The following DNAI7 variants were observed in gnomAD, a reference collection of about 807,000 sequenced individuals.
The protein encoded by DNAI7 is dynein axonemal intermediate chain 7, also known as cancer susceptibility 1.
In DNAI7, 78 loss-of-function variants were observed where a neutral mutation model predicts 86.6. The observed-to-expected ratio is 0.90, with a 90% confidence interval of 0.75 to 1.09. DNAI7 has a LOEUF of 1.09. DNAI7 is among the 50% of genes least tolerant of loss of function. DNAI7 has a pLI of 0.00. For missense variants in DNAI7, 753 were observed against 810.2 expected (o/e 0.93, Z 0.86); for synonymous variants, 274 against 273.0 (o/e 1.00, Z -0.04).
chr12:25,133,674 T>G (rs142982684), intron 9 of DNAI7, among the ~76,000 whole-genome samples: 2 of 152,280 alleles, frequency 1.3e-5, no homozygotes, highest in Admixed American at 6.5e-5. Context: ...GTTGTGGGGT[T>G]TTCAGCAGAA....
At chr12:25,126,601 T>G (rs746110600) in intron 9 of DNAI7, among the ~76,000 whole-genome samples, 12 of 151,490 alleles carry the variant, frequency 7.9e-5, no homozygotes, top group Non-Finnish European at 1.3e-4. Context: ...GTAATTAAGG[T>G]AGAGAGTGAT....
chr12:25,180,957 C>A (rs1263505245), intron 2 of DNAI7, among the ~76,000 whole-genome samples: 1 of 152,130 alleles, frequency 6.6e-6, no homozygotes, highest in Non-Finnish European at 1.5e-5. Flanking sequence ...CAGGCGCCTG[C>A]CACCACGATC....
rs372660859 is a variant in DNAI7 at position 25,111,838 on chromosome 12, C to T, written c.1713G>A (p.Leu571=). Residue 571 remains leucine (L), a synonymous_variant, in exon 14 of 16, where the codon TTG becomes TTA. Coordinates refer to ENST00000395987, the MANE Select transcript of DNAI7 (RefSeq NM_018272.5). The part of the protein sequence containing the change: ...WMTPIPFIIA[L]KEAGLNIFPT... ...GAAAGATATTCAGTCCAGCTTCTTT[C>T]AAAGCAATAATGAAAGGAATAGGAG... The T allele has an allele frequency of 1.4e-5, 22 of 1,604,590 alleles. No homozygotes were observed. Among genetic ancestry groups the T allele is most frequent in the Non-Finnish European group, 1.8e-5 (21 of 1,175,010 alleles).
At chr12:25,164,667 G>A (rs577414268) in intron 2 of DNAI7, among the ~76,000 whole-genome samples, 5 of 152,158 alleles carry the variant, frequency 3.3e-5, no homozygotes, top group Admixed American at 2.6e-4. Flanking sequence ...TTACACATCA[G>A]TCCCTCCCTA....
Position 25,122,823 on chromosome 12 carries a change from A to T in DNAI7, c.1078+388T>A, listed in dbSNP as rs185694722. Among the ~76,000 whole-genome samples, 3 of 152,392 alleles carry T rather than the reference A, an allele frequency of 2.0e-5. No individual in the cohort carries two copies. The East Asian group carries it at 5.8e-4, about 29-fold the overall frequency. On this transcript the variant is annotated intron_variant, in intron 10 of 15. Coordinates refer to ENST00000395987, the MANE Select transcript of DNAI7 (RefSeq NM_018272.5). ...ACAACCTGCCTATCAATAGGGATTT[A>T]AAAAGTGTTCCATTATTGGATGGAA... is the stretch of plus-strand genomic sequence containing the variant.
At chr12:25,132,990 A>G (rs970101755) in intron 9 of DNAI7, among the ~76,000 whole-genome samples, 2 of 152,218 alleles carry the variant, frequency 1.3e-5, no homozygotes, top group Non-Finnish European at 2.9e-5. Context: ...AAATATTTGA[A>G]TCCAATCTCT....
intron 2 of DNAI7, among the ~76,000 whole-genome samples, chr12:25,170,038 A>G (rs755025221): frequency 2.0e-5 from 3 of 152,112 alleles, no homozygotes; most frequent in Non-Finnish European, 4.4e-5. Context: ...ATCAGACAAA[A>G]TAAACTTTAA....
rs372677577 is a variant in DNAI7 at position 25,161,208 on chromosome 12, G to T, written c.22-11C>A. On this transcript the variant is annotated splice_polypyrimidine_tract_variant and intron_variant, in intron 2 of 15. Transcript: ENST00000395987. ...TTTCTTACTGCCAGACTTAACAAAG[G>T]CCACATCATAAAAAAGGCTATTAAC... 22 of 1,610,136 alleles carry T rather than the reference G, an allele frequency of 1.4e-5. No homozygotes were observed. Among genetic ancestry groups the T allele is most frequent in the Non-Finnish European group, 1.9e-5 (22 of 1,176,918 alleles).
At chr12:25,113,124 C>T (rs896398453) in intron 13 of DNAI7, among the ~76,000 whole-genome samples, 5 of 152,200 alleles carry the variant, frequency 3.3e-5, no homozygotes, top group African/African-American at 1.2e-4. Context: ...TCCCCTTACA[C>T]AATCTCAGAA....
rs202188981 is a variant in DNAI7 at position 25,121,765 on chromosome 12, C to T, written c.1227G>A (p.Trp409Ter). 3.8e-6 allele frequency: 6 copies of T among 1,598,404 alleles called. No homozygotes were observed. Among genetic ancestry groups the T allele is most frequent in the Non-Finnish European group, 5.1e-6 (6 of 1,176,092 alleles). ...LPPQCKPVKG[W>*]MIVEILKEGL... ...AGAATCAACCTACTTCCACAATCAT[C>T]CATCCCTTCACTGGTTTACACTGTG... The change falls in exon 11 of 16, where the codon TGG becomes TGA. Residue 409 changes from tryptophan to a stop codon, truncating the protein, a stop_gained. Coordinates refer to ENST00000395987, the MANE Select transcript of DNAI7 (RefSeq NM_018272.5). LOFTEE classifies it high-confidence loss of function.
intron 2 of DNAI7, among the ~76,000 whole-genome samples, chr12:25,170,861 A>G (rs1439366967): frequency 6.6e-6 from 1 of 152,242 alleles, no homozygotes; most frequent in Non-Finnish European, 1.5e-5. Context: ...GAAATTAAGT[A>G]ACCTGCTGAA....
chr12:25,151,481 T>C (rs1336785304), intron 6 of DNAI7, among the ~76,000 whole-genome samples: 1 of 152,230 alleles, frequency 6.6e-6, no homozygotes, highest in Non-Finnish European at 1.5e-5. Context: ...GTTATTGAAC[T>C]TATCCTTTTC....
At chr12:25,129,334 G>A (rs1215200303) in intron 9 of DNAI7, among the ~76,000 whole-genome samples, 4 of 152,112 alleles carry the variant, frequency 2.6e-5, no homozygotes, top group African/African-American at 9.7e-5. Context: ...GAGAGAAGGA[G>A]CCTTATTTGT....
chr12:25,110,350 G>A, intron 14 of DNAI7, 110 bp from the exon 15 acceptor site: 2 of 653,802 alleles, frequency 3.1e-6, no homozygotes, highest in Non-Finnish European at 5.5e-6. Context: ...ACTTAAAATT[G>A]TAAGTCAGAG....
intron 2 of DNAI7, among the ~76,000 whole-genome samples, chr12:25,172,662 A>G (rs1440296454): frequency 6.6e-6 from 1 of 152,232 alleles, no homozygotes; most frequent in Non-Finnish European, 1.5e-5. Flanking sequence ...CTAAGCAAAA[A>G]GAACAAATCT....
chr12:25,194,856 C>G lies in DNAI7; in HGVS notation c.3+220G>C, dbSNP rs761310000. On this transcript the variant is annotated intron_variant, in intron 1 of 15. Transcript: ENST00000395987. ...CCGTGTGACAGCTTTGACCATCTCC[C>G]GTTTGCAGAAACTGGTTTGGGACTC... 3 of 1,608,638 alleles carry G rather than the reference C, an allele frequency of 1.9e-6. No homozygotes were observed. In the South Asian group the frequency reaches 3.3e-5, roughly 18 times the overall value.
At chr12:25,131,628 G>C (rs1349541416) in intron 9 of DNAI7, among the ~76,000 whole-genome samples, 1 of 152,160 alleles carries the variant, frequency 6.6e-6, no homozygotes, top group Non-Finnish European at 1.5e-5. Context: ...AAAGGTAGCA[G>C]AAGTGATCTC....
intron 9 of DNAI7, among the ~76,000 whole-genome samples, chr12:25,129,534 A>G (rs1277746656): frequency 6.6e-6 from 1 of 152,132 alleles, no homozygotes; most frequent in East Asian, 1.9e-4. Flanking sequence ...TAGGTTTTTT[A>G]TATAACTTAT....
At chr12:25,130,494 G>A (rs376118428) in intron 9 of DNAI7, among the ~76,000 whole-genome samples, 32 of 152,066 alleles carry the variant, frequency 2.1e-4, no homozygotes, top group African/African-American at 6.8e-4. Context: ...CCGAGATAGC[G>A]CCACTGCACT....
Sources: gnomAD v4.1 joint callset for allele counts (sites outside exome capture counted in the v4.1 genomes callset) on GRCh38, gnomAD v4.1.1 for gene constraint, MANE v1.5 for transcripts, NCBI Gene and HGNC (gene_info 2026-07-23, HGNC 2026-07-21) for gene names.